Variants in UGT2B11 observed in about 807,000 individuals in gnomAD.
UGT2B11 encodes the protein UDP-glucuronosyltransferase 2B11.
UGT2B11 carries 49 observed loss-of-function variants against 51.7 expected under a neutral mutation model. That is an observed-to-expected ratio of 0.95 (90% CI 0.75 to 1.20). The LOEUF is 1.20. UGT2B11 is among the 50% of genes most tolerant of loss of function. The pLI, the probability that UGT2B11 is intolerant of heterozygous loss-of-function variation, is 0.00. For missense variants in UGT2B11, 810 were observed against 622.1 expected (o/e 1.30, Z -3.21); for synonymous variants, 273 against 209.0 (o/e 1.31, Z -2.64).
chr4:69,220,406 A>G, the UGT2B11 span, among the ~76,000 whole-genome samples: 3 of 151,442 alleles, frequency 2.0e-5, no homozygotes, highest in Non-Finnish European at 4.4e-5. Flanking sequence ...CCCACTTCTC[A>G]CGGCTCCACT....
Position 69,200,330 on chromosome 4 carries a change from T to C in UGT2B11, c.*110A>G. ...TTTGAAAATTTTTTTTTTTTTTTTT[T>C]TTTTGTCACAGGAAGAAAGAAATCT... On this transcript the variant is annotated 3_prime_UTR_variant, in exon 6 of 6. Transcript: ENST00000446444. 8.4e-7 allele frequency: 1 copy of C among 1,190,400 alleles called. No homozygotes were observed. The highest frequency in any genetic ancestry group is 1.1e-6 in the Non-Finnish European group (1 of 939,298). The allele number at this position is 1,190,400 out of a possible 1,614,324, so 73.7% of individuals were successfully genotyped here.
At position 69,206,327 on chromosome 4, in the gene UGT2B11, T is replaced by G. The variant is rs558394372; in HGVS notation, c.1003-760A>C. 1.9e-4 allele frequency among the ~76,000 whole-genome samples: 29 copies of G among 151,722 alleles called. No homozygotes were observed. In the South Asian group the frequency reaches 5.8e-3, roughly 30 times the overall value. ...AACAAAAATATGTATTTTGCAGGGA[T>G]AAGGATGGAGCTGGAGGCCGTTAGC... On this transcript the variant is annotated intron_variant, in intron 3 of 5. Transcript: ENST00000446444.
upstream of UGT2B11, chr4:69,215,293 C>A (rs1407952289): frequency 6.6e-6 from 1 of 152,296 alleles, no homozygotes; most frequent in Non-Finnish European, 1.5e-5. Context: ...TTTCTGCATC[C>A]ACCCTGCACT....
chr4:69,200,612 G>A lies in UGT2B11; in HGVS notation c.1418C>T (p.Ala473Val). The change falls in exon 6 of 6, where the codon GCC becomes GTC. Residue 473 changes from alanine to valine, a missense_variant. Transcript: ENST00000446444. ...ATGGGCTGCAACTCGAAGGTGTTTG[G>A]CTCCTTTGTGGGGCATGACAAATTC... The part of the protein sequence containing the change: ...WIEFVMPHKG[A>V]KHLRVAAHDL... The A allele has an allele frequency of 1.2e-6, 2 of 1,612,442 alleles. No individual in the cohort carries two copies. The highest frequency in any genetic ancestry group is 1.7e-6 in the Non-Finnish European group (2 of 1,178,972).
intron 1 of UGT2B11, among the ~76,000 whole-genome samples, chr4:69,213,252 A>G (rs969364381): frequency 1.3e-5 from 2 of 151,764 alleles, no homozygotes; most frequent in African/African-American, 4.8e-5. Flanking sequence ...TAATATTATC[A>G]TTTAAGTAAA....
chr4:69,224,867 C>T, the UGT2B11 span, among the ~76,000 whole-genome samples: 668 of 152,154 alleles, frequency 4.4e-3, 5 homozygotes, highest in African/African-American at 0.015. Context: ...ACCTTTTAAA[C>T]TCTTTAAGGC....
chr4:69,206,764 T>C (rs1055447792), intron 3 of UGT2B11, among the ~76,000 whole-genome samples: 4 of 151,836 alleles, frequency 2.6e-5, no homozygotes, highest in East Asian at 2.0e-4. Context: ...GTTTGTTTTA[T>C]GTATTTTATA....
chr4:69,222,519 T>C, the UGT2B11 span, among the ~76,000 whole-genome samples: 3 of 152,174 alleles, frequency 2.0e-5, no homozygotes, highest in Non-Finnish European at 4.4e-5. Context: ...GGACTGCCTG[T>C]TGCCCTGTGG....
upstream of UGT2B11, among the ~76,000 whole-genome samples, chr4:69,219,078 C>A (rs1409158465): frequency 6.6e-6 from 1 of 151,738 alleles, no homozygotes; most frequent in Non-Finnish European, 1.5e-5. Flanking sequence ...TCTCTTCAGC[C>A]TCAGTGACTA....
intron 3 of UGT2B11, 120 bp from the exon 4 acceptor site, chr4:69,205,687 A>T: frequency 8.9e-7 from 1 of 1,129,874 alleles, no homozygotes; most frequent in Non-Finnish European, 1.2e-6. Context: ...CTACTCAAAG[A>T]TTGATGTAAA....
At chr4:69,214,781 G>C (rs1722214211), upstream of UGT2B11, 10 of 1,553,032 alleles carry the variant, frequency 6.4e-6, no homozygotes, top group Non-Finnish European at 7.8e-6. Flanking sequence ...CTTATATACA[G>C]AGATAAATCA....
At chr4:69,212,460 C>T in intron 2 of UGT2B11, 113 bp downstream of exon 2, 1 of 1,524,902 alleles carries the variant, frequency 6.6e-7, no homozygotes, top group Non-Finnish European at 8.8e-7. Flanking sequence ...CTTTACACCA[C>T]CTACTTCCCA....
At chr4:69,224,469 G>T in the UGT2B11 span, among the ~76,000 whole-genome samples, 1 of 152,070 alleles carries the variant, frequency 6.6e-6, no homozygotes, top group Admixed American at 6.6e-5. Context: ...TTTCCAGAGA[G>T]CCTGACACCG....
At chr4:69,203,162 A>G (rs1721722035) in intron 5 of UGT2B11, among the ~76,000 whole-genome samples, 1 of 151,726 alleles carries the variant, frequency 6.6e-6, no homozygotes, top group Non-Finnish European at 1.5e-5. Context: ...CTTAAAACTT[A>G]ATAATAAGAC....
rs759627464 is a variant in UGT2B11, at chr4:69,200,462, C to A, written c.1568G>T (p.Gly523Val). The change falls in exon 6 of 6, where the codon GGG becomes GTG. Residue 523 changes from glycine (G) to valine (V), a missense_variant. Coordinates refer to ENST00000446444, the MANE Select transcript of UGT2B11 (RefSeq NM_001073.3). ...TAACTAATCTCTTTTTCCCTTCTTC[C>A]CTTTTCTAGCAAACTTCCAGAAACA... ...LFCFWKFARK[G>V]KKGKRD 2 of 1,611,344 alleles carry A rather than the reference C, an allele frequency of 1.2e-6. No individual in the cohort carries two copies. The highest frequency in any genetic ancestry group is 1.1e-5 in the South Asian group (1 of 90,930).
At chr4:69,218,536 T>G (rs571911031), upstream of UGT2B11, among the ~76,000 whole-genome samples, 184 of 151,886 alleles carry the variant, frequency 1.2e-3, 1 homozygote, top group Admixed American at 2.4e-3. Flanking sequence ...ATGCTTGGGA[T>G]AAAATAATAG....
At chr4:69,203,307 G>A (rs1721727385) in intron 5 of UGT2B11, among the ~76,000 whole-genome samples, 1 of 151,672 alleles carries the variant, frequency 6.6e-6, no homozygotes, top group Non-Finnish European at 1.5e-5. Context: ...AGACCAGGAT[G>A]AGAGATCATT....
At chr4:69,211,528 AAAT>A (rs1322341732) in intron 2 of UGT2B11, among the ~76,000 whole-genome samples, 5 of 151,766 alleles carry the variant, frequency 3.3e-5, no homozygotes, top group Admixed American at 6.6e-5. Context: ...AATAATCACA[AAAT>A]AACCATAATT....
At chr4:69,220,696 C>CTAAG in the UGT2B11 span, among the ~76,000 whole-genome samples, 2 of 151,522 alleles carry the variant, frequency 1.3e-5, no homozygotes, top group African/African-American at 4.8e-5. Flanking sequence ...TTTCAGGGAC[C>CTAAG]TAAGTGTTCA....
Sources: gnomAD v4.1 joint callset for allele counts (sites outside exome capture counted in the v4.1 genomes callset) on GRCh38, gnomAD v4.1.1 for gene constraint, MANE v1.5 for transcripts, NCBI Gene and HGNC (gene_info 2026-07-23, HGNC 2026-07-21) for gene names.